SNX29: variants seen among roughly 807,000 people sequenced by gnomAD.
The protein encoded by SNX29 is sorting nexin-29.
Under a neutral mutation model 102.1 loss-of-function variants are expected in SNX29, and 78 were observed. The ratio of observed to expected loss-of-function variants is 0.76; its 90% confidence interval spans 0.64 to 0.92. The LOEUF (loss-of-function observed/expected upper bound fraction) is 0.92, where lower values mean the gene tolerates loss of function less well. SNX29 is among the 40% of genes least tolerant of loss of function. SNX29 has a pLI of 0.00. For synonymous variants in SNX29, 580 were observed against 414.5 expected, an observed-to-expected ratio of 1.40 and a Z score of -4.85; for missense variants, 1,280 against 1,061.7, an observed-to-expected ratio of 1.21 and a Z score of -2.86.
chr16:12,003,969 G>C (rs1343990160), intron 3 of SNX29, among the ~76,000 whole-genome samples: 1 of 152,092 alleles, frequency 6.6e-6, no homozygotes, highest in Non-Finnish European at 1.5e-5. Context: ...TTAGGAGGTG[G>C]AGGTTGCAGT....
chr16:12,138,453 C>G (rs1166709507), intron 13 of SNX29, among the ~76,000 whole-genome samples: 1 of 152,078 alleles, frequency 6.6e-6, no homozygotes, highest in Non-Finnish European at 1.5e-5. Context: ...AGTAATCTGC[C>G]TGCCTTGGCC....
chr16:12,415,535 A>G (rs1026513281), intron 18 of SNX29, among the ~76,000 whole-genome samples: 1 of 152,220 alleles, frequency 6.6e-6, no homozygotes, highest in Non-Finnish European at 1.5e-5. Flanking sequence ...CCACCCATGA[A>G]GTTCTCCTCG....
At chr16:12,380,290 C>T (rs1342842664) in intron 16 of SNX29, among the ~76,000 whole-genome samples, 10 of 151,286 alleles carry the variant, frequency 6.6e-5, no homozygotes, top group African/African-American at 2.4e-4. Context: ...TTCTCATCTA[C>T]CCCCCAACAC....
At position 12,554,014 on chromosome 16, in the gene SNX29, A is replaced by G. The variant is rs1052931473; in HGVS notation, c.2319-14492A>G. On this transcript the variant is annotated intron_variant, in intron 20 of 20. Transcript: ENST00000566228. ...TAATTTTTGTATTTTTAGTAGAGAC[A>G]GCGTTTTAACCATGTTGCCCAGGCT... is the stretch of plus-strand genomic sequence containing the variant. Among the ~76,000 whole-genome samples the G allele has an allele frequency of 3.9e-5, 6 of 152,036 alleles. No individual in the cohort carries two copies. In the East Asian group the frequency reaches 5.8e-4, roughly 15 times the overall value.
intron 20 of SNX29, among the ~76,000 whole-genome samples, chr16:12,554,574 A>T (rs1430786124): frequency 6.6e-6 from 1 of 152,168 alleles, no homozygotes; most frequent in Non-Finnish European, 1.5e-5. Flanking sequence ...CTTAAAGCTG[A>T]CACCAAGACT....
intron 3 of SNX29, among the ~76,000 whole-genome samples, chr16:12,016,954 C>T (rs563492754): frequency 7.9e-5 from 12 of 151,842 alleles, no homozygotes; most frequent in South Asian, 4.2e-4. Flanking sequence ...TAGTGAGACC[C>T]CTGTCTTTAC....
chr16:12,407,865 A>G (rs1449489590), intron 18 of SNX29, among the ~76,000 whole-genome samples: 1 of 152,220 alleles, frequency 6.6e-6, no homozygotes, highest in Non-Finnish European at 1.5e-5. Flanking sequence ...CTGTAGTCCC[A>G]GCAGCTCCAG....
intron 13 of SNX29, among the ~76,000 whole-genome samples, chr16:12,191,227 G>A (rs2076634516): frequency 6.6e-6 from 1 of 152,188 alleles, no homozygotes; most frequent in African/African-American, 2.4e-5. Context: ...GAGAGTTCAG[G>A]TGGTAATGCT....
chr16:12,413,429 C>T (rs904803941), intron 18 of SNX29, among the ~76,000 whole-genome samples: 3 of 151,776 alleles, frequency 2.0e-5, no homozygotes, highest in East Asian at 3.9e-4. Flanking sequence ...TCCTGACTTA[C>T]CGAATGGCAG....
chr16:12,523,637 G>T (rs1048135708), intron 19 of SNX29, among the ~76,000 whole-genome samples: 1 of 152,200 alleles, frequency 6.6e-6, no homozygotes, highest in Non-Finnish European at 1.5e-5. Flanking sequence ...CGCAGTCCCA[G>T]TGTGGACCCT....
chr16:12,393,527 C>G (rs1231983083), intron 16 of SNX29, among the ~76,000 whole-genome samples: 1 of 150,804 alleles, frequency 6.6e-6, no homozygotes, highest in Non-Finnish European at 1.5e-5. Context: ...ATATAGAGCT[C>G]TCTGAGCTCA....
intron 19 of SNX29, among the ~76,000 whole-genome samples, chr16:12,491,853 A>G (rs1455290230): frequency 6.6e-6 from 1 of 152,250 alleles, no homozygotes; most frequent in African/African-American, 2.4e-5. Flanking sequence ...TACAAAGGAC[A>G]CGAACTCATC....
At chr16:12,553,885 C>T (rs1031675578) in intron 20 of SNX29, among the ~76,000 whole-genome samples, 1 of 152,002 alleles carries the variant, frequency 6.6e-6, no homozygotes, top group Non-Finnish European at 1.5e-5. Context: ...ACTCTTTTGC[C>T]TAGGCTGGAG....
At chr16:12,157,276 C>T (rs2055592227) in intron 13 of SNX29, among the ~76,000 whole-genome samples, 1 of 152,146 alleles carries the variant, frequency 6.6e-6, no homozygotes. Flanking sequence ...GGGCTGGTCC[C>T]CTTCTCTGGC....
At chr16:12,019,637 A>ATT (rs879261297) in intron 3 of SNX29, among the ~76,000 whole-genome samples, 2 of 136,858 alleles carry the variant, frequency 1.5e-5, no homozygotes, top group African/African-American at 2.7e-5. Flanking sequence ...TAGATATATA[A>ATT]TTTTTTTTTT....
chr16:12,540,820 G>A (rs545384382), intron 20 of SNX29, among the ~76,000 whole-genome samples: 1 of 152,134 alleles, frequency 6.6e-6, no homozygotes, highest in East Asian at 1.9e-4. Flanking sequence ...TGAGAGAAGG[G>A]GCAAAAAGAA....
In SNX29 at chr16:12,573,767, A is replaced by AC; in HGVS notation, c.*5142dup. Reference sequence around the variant, plus strand: ...ACCCAGAGCTACTAAACGCTCAGTGACCCCAGAGACCATTAATTTCCCGGA... The same window carrying AC: ...ACCCAGAGCTACTAAACGCTCAGTGACCCCCAGAGACCATTAATTTCCCGGA... On this transcript the variant is annotated 3_prime_UTR_variant, in exon 21 of 21. Coordinates refer to ENST00000566228, the MANE Select transcript of SNX29 (RefSeq NM_032167.5). The AC allele has an allele frequency of 4.5e-6, 1 of 222,654 alleles. No homozygotes were observed. Among genetic ancestry groups the AC allele is most frequent in the Non-Finnish European group, 9.0e-6 (1 of 111,408 alleles). The allele number at this position is 222,654 out of a possible 1,614,324, so 13.8% of individuals were successfully genotyped here.
intron 14 of SNX29, among the ~76,000 whole-genome samples, chr16:12,203,169 A>G (rs1444398778): frequency 6.6e-6 from 1 of 151,506 alleles, no homozygotes; most frequent in Non-Finnish European, 1.5e-5. Flanking sequence ...CCCCACTCTC[A>G]GGTGGACTGG....
At chr16:12,442,592 T>G (rs545175907) in intron 18 of SNX29, among the ~76,000 whole-genome samples, 2 of 151,632 alleles carry the variant, frequency 1.3e-5, no homozygotes, top group African/African-American at 4.8e-5. Flanking sequence ...TTTTTTTGTT[T>G]TTTTTTTTTT....
Sources: allele counts gnomAD v4.1 joint callset (sites outside exome capture counted in the v4.1 genomes callset), GRCh38; gene constraint gnomAD v4.1.1; transcripts MANE v1.5; gene names NCBI Gene and HGNC (gene_info 2026-07-23, HGNC 2026-07-21).